ACAP2: variants seen among roughly 807,000 people sequenced by gnomAD.
ACAP2 encodes arf-GAP with coiled-coil, ANK repeat and PH domain-containing protein 2.
Under a neutral mutation model 115.8 loss-of-function variants are expected in ACAP2, and 39 were observed. The observed-to-expected ratio is 0.34, with a 90% CI of 0.26 to 0.44. The LOEUF (loss-of-function observed/expected upper bound fraction) is 0.44. Ranked by LOEUF, ACAP2 falls within the 20% of genes least tolerant of loss-of-function variation. The probability of loss-of-function intolerance (pLI) is 1.00; values close to 1 mark genes in which losing one functional copy is unlikely to be tolerated. For synonymous variants in ACAP2, 289 were observed against 315.8 expected, an observed-to-expected ratio of 0.92 and a Z score of 0.90; for missense variants, 662 against 927.6, an observed-to-expected ratio of 0.71 and a Z score of 3.72.
At chr3:195,320,394 A>G (rs1348599182) in intron 10 of ACAP2, among the ~76,000 whole-genome samples, 4 of 152,258 alleles carry the variant, frequency 2.6e-5, no homozygotes, top group Middle Eastern at 3.2e-3. Flanking sequence ...GAGGTAGACC[A>G]TATTCAAAAT....
intron 1 of ACAP2, among the ~76,000 whole-genome samples, chr3:195,407,052 AAGGCAGAC>A (rs1349649320): frequency 1.3e-5 from 2 of 152,162 alleles, no homozygotes; most frequent in African/African-American, 4.8e-5. Context: ...GAGAGGAAGG[AAGGCAGAC>A]AGGCAAAAAA....
intron 22 of ACAP2, chr3:195,285,228 T>C (rs1348247340): frequency 6.6e-6 from 1 of 152,278 alleles, no homozygotes; most frequent in Non-Finnish European, 1.5e-5. Context: ...ATTTTCATTT[T>C]AAATCTTCAA....
chr3:195,396,812 AAAG>A (rs1256509128), intron 1 of ACAP2, among the ~76,000 whole-genome samples: 14 of 149,888 alleles, frequency 9.3e-5, no homozygotes, highest in African/African-American at 3.5e-4. Context: ...AAAAAAAAAA[AAAG>A]AAGAAGTATG....
intron 4 of ACAP2, among the ~76,000 whole-genome samples, chr3:195,378,891 GT>G (rs1311016601): frequency 1.3e-5 from 2 of 151,428 alleles, no homozygotes; most frequent in African/African-American, 2.4e-5. Flanking sequence ...TTTGCCAAAA[GT>G]TTATCTTAAT....
intron 15 of ACAP2, among the ~76,000 whole-genome samples, chr3:195,300,412 T>C (rs918836014): frequency 2.0e-5 from 3 of 152,190 alleles, no homozygotes; most frequent in Non-Finnish European, 4.4e-5. Context: ...TTCTACAATA[T>C]GGTAAACTAG....
At chr3:195,437,659 T>C (rs899684633) in intron 1 of ACAP2, among the ~76,000 whole-genome samples, 6 of 151,234 alleles carry the variant, frequency 4.0e-5, no homozygotes, top group African/African-American at 1.2e-4. Context: ...ACTAAAAATA[T>C]AAAAAATTAG....
At chr3:195,288,053 C>T (rs953406332) in intron 21 of ACAP2, among the ~76,000 whole-genome samples, 1 of 151,276 alleles carries the variant, frequency 6.6e-6, no homozygotes, top group Non-Finnish European at 1.5e-5. Flanking sequence ...GAGCTGAGAT[C>T]GTGCCATTGC....
chr3:195,417,860 G>A (rs569901857), intron 1 of ACAP2, among the ~76,000 whole-genome samples: 1 of 151,802 alleles, frequency 6.6e-6, no homozygotes, highest in Admixed American at 6.6e-5. Flanking sequence ...AAGGTGGGAG[G>A]ATCGCTTGAG....
Position 195,278,447 on chromosome 3 carries a change from T to C in ACAP2, c.*881A>G, listed in dbSNP as rs1241270264. ...ACAAATTTCAAATATAAAAATGGCCTACATGATTTTATAAATTGATTTTTC... is the reference window on the plus strand; with the variant it reads ...ACAAATTTCAAATATAAAAATGGCCCACATGATTTTATAAATTGATTTTTC... On this transcript the variant is annotated 3_prime_UTR_variant, in exon 23 of 23. Coordinates refer to ENST00000326793, the MANE Select transcript of ACAP2 (RefSeq NM_012287.6). 1 of 152,186 alleles carries C rather than the reference T, an allele frequency of 6.6e-6. No individual in the cohort carries two copies. The allele number at this position is 152,186 out of a possible 1,614,324, so 9.4% of individuals were successfully genotyped here.
intron 4 of ACAP2, among the ~76,000 whole-genome samples, chr3:195,374,236 T>C (rs972766622): frequency 6.6e-5 from 10 of 151,586 alleles, no homozygotes; most frequent in Non-Finnish European, 1.3e-4. Context: ...AAATAAAAAA[T>C]AAAATTAGCC....
At chr3:195,441,021 GC>G (rs1348746367) in intron 1 of ACAP2, among the ~76,000 whole-genome samples, 6 of 151,744 alleles carry the variant, frequency 4.0e-5, no homozygotes, top group Non-Finnish European at 7.4e-5. Flanking sequence ...TCAGTATGTT[GC>G]CCTCTTATTT....
intron 4 of ACAP2, among the ~76,000 whole-genome samples, chr3:195,369,772 C>T (rs1455641039): frequency 2.0e-5 from 3 of 152,078 alleles, no homozygotes; most frequent in Non-Finnish European, 4.4e-5. Context: ...GGGTATATAC[C>T]TTGTAATGGG....
At chr3:195,400,401 T>C (rs1431093038) in intron 1 of ACAP2, among the ~76,000 whole-genome samples, 1 of 152,064 alleles carries the variant, frequency 6.6e-6, no homozygotes, top group Non-Finnish European at 1.5e-5. Context: ...ATACAGTCAT[T>C]TTTAACATGT....
intron 10 of ACAP2, among the ~76,000 whole-genome samples, chr3:195,312,057 A>G (rs1728808146): frequency 6.6e-6 from 1 of 151,706 alleles, no homozygotes; most frequent in Non-Finnish European, 1.5e-5. Context: ...TTTGGGCAGG[A>G]AAAGAAAAAA....
intron 11 of ACAP2, 56 bp from the exon 12 acceptor site, chr3:195,307,379 A>G: frequency 2.0e-6 from 2 of 1,011,402 alleles, no homozygotes; most frequent in Non-Finnish European, 1.5e-6. Context: ...AATACTACCA[A>G]TAATGAAATA....
rs1448023833 is a variant in ACAP2, at chr3:195,292,428, A to G, written c.1790T>C (p.Met597Thr). 9.9e-6 allele frequency: 16 copies of G among 1,608,800 alleles called. No homozygotes were observed. Among genetic ancestry groups the G allele is most frequent in the African/African-American group, 1.3e-5 (1 of 74,446 alleles). ...ATTAAGATGTTTCGAGTCAAGAAACATAGAAGAATCTTGCCTTTCTCCTTC... is the reference window on the plus strand; with the variant it reads ...ATTAAGATGTTTCGAGTCAAGAAACGTAGAAGAATCTTGCCTTTCTCCTTC... ...EPEGERQDSSMFLDSKHLNPG... is the reference protein window; with the variant it reads ...EPEGERQDSSTFLDSKHLNPG... Residue 597 changes from methionine (M) to threonine (T), a missense_variant, in exon 19 of 23, where the codon ATG becomes ACG. Coordinates refer to ENST00000326793, the MANE Select transcript of ACAP2 (RefSeq NM_012287.6).
At chr3:195,433,515 T>G (rs1021674219) in intron 1 of ACAP2, among the ~76,000 whole-genome samples, 2 of 152,248 alleles carry the variant, frequency 1.3e-5, no homozygotes, top group African/African-American at 2.4e-5. Flanking sequence ...ACAGGCTTCT[T>G]GCTCCTTATG....
At chr3:195,418,388 G>C (rs1325743706) in intron 1 of ACAP2, among the ~76,000 whole-genome samples, 1 of 152,150 alleles carries the variant, frequency 6.6e-6, no homozygotes, top group Non-Finnish European at 1.5e-5. Context: ...CACCATTAAA[G>C]CTGCAAAACC....
chr3:195,432,065 G>A (rs912099020), intron 1 of ACAP2, among the ~76,000 whole-genome samples: 11 of 152,026 alleles, frequency 7.2e-5, no homozygotes, highest in Non-Finnish European at 1.6e-4. Flanking sequence ...TTTGTCCTTC[G>A]AGTTGCAGAG....
Sources: allele counts gnomAD v4.1 joint callset (sites outside exome capture counted in the v4.1 genomes callset), GRCh38; gene constraint gnomAD v4.1.1; transcripts MANE v1.5; gene names NCBI Gene and HGNC (gene_info 2026-07-23, HGNC 2026-07-21).